PTPRG: variants seen among roughly 807,000 people sequenced by gnomAD.
PTPRG encodes receptor-type tyrosine-protein phosphatase gamma.
In PTPRG, 102 loss-of-function variants were observed where a neutral mutation model predicts 165.3. The ratio of observed to expected loss-of-function variants is 0.62; its 90% CI spans 0.53 to 0.73. The LOEUF is 0.73. Among genes scored for constraint, PTPRG ranks in the 30% least tolerant of loss-of-function variants. The pLI, the probability that PTPRG is intolerant of heterozygous loss-of-function variation, is 0.00. For missense variants in PTPRG, 1,866 were observed against 1,861.4 expected (o/e 1.00, Z -0.05); for synonymous variants, 675 against 669.5 (o/e 1.01, Z -0.13).
chr3:61,832,961 G>A (rs979179278), intron 2 of PTPRG, among the ~76,000 whole-genome samples: 9 of 151,952 alleles, frequency 5.9e-5, no homozygotes, highest in Middle Eastern at 3.2e-3. Context: ...ATGATGTTTG[G>A]TTTTCCATTC....
chr3:62,293,017 T>A, intron 29 of PTPRG, 144 bp from the exon 30 acceptor site: 1 of 653,208 alleles, frequency 1.5e-6, no homozygotes, highest in Non-Finnish European at 2.4e-6. Flanking sequence ...AAATGATTTT[T>A]TTTTTAGTTT....
At chr3:62,018,608 A>AT (rs2041608221) in intron 4 of PTPRG, among the ~76,000 whole-genome samples, 3 of 152,238 alleles carry the variant, frequency 2.0e-5, no homozygotes, top group Non-Finnish European at 4.4e-5. Context: ...TGGTAGTCTA[A>AT]GGAAAGAGCA....
At position 62,241,912 on chromosome 3, in the gene PTPRG, A is replaced by G. The variant is rs570258522; in HGVS notation, c.2376-1895A>G. On this transcript the variant is annotated intron_variant, in intron 14 of 29. Transcript: ENST00000474889. ...TGAATAGCTGTCCTCTAACTCAACA[A>G]AAGCAGGTTTTCCTTAGCTATGATA... is the stretch of plus-strand genomic sequence containing the variant. Among the ~76,000 whole-genome samples, 3 of 152,332 alleles carry G rather than the reference A, an allele frequency of 2.0e-5. No individual in the cohort carries two copies. The East Asian group carries it at 5.8e-4, about 29-fold the overall frequency.
At chr3:61,922,536 A>G (rs918525609) in intron 2 of PTPRG, among the ~76,000 whole-genome samples, 2 of 152,110 alleles carry the variant, frequency 1.3e-5, no homozygotes, top group African/African-American at 2.4e-5. Context: ...ACCTAAGGGG[A>G]ATCCTTCTTT....
intron 1 of PTPRG, among the ~76,000 whole-genome samples, chr3:61,577,881 G>A (rs942120057): frequency 2.4e-4 from 37 of 152,174 alleles, no homozygotes; most frequent in African/African-American, 7.2e-4. Context: ...CTGCCTCTGG[G>A]ATATTCCGGG....
chr3:61,630,778 C>T (rs1189442968), intron 1 of PTPRG, among the ~76,000 whole-genome samples: 11 of 152,178 alleles, frequency 7.2e-5, no homozygotes, highest in South Asian at 4.2e-4. Context: ...GTATTTTTAG[C>T]GGGGCGCGGT....
intron 4 of PTPRG, among the ~76,000 whole-genome samples, chr3:62,008,625 G>T (rs560565097): frequency 6.6e-6 from 1 of 152,296 alleles, no homozygotes; most frequent in Admixed American, 6.5e-5. Context: ...TAGCCCAGCG[G>T]TCCCCAACCT....
At chr3:62,027,635 G>A (rs1374615707) in intron 4 of PTPRG, among the ~76,000 whole-genome samples, 1 of 152,180 alleles carries the variant, frequency 6.6e-6, no homozygotes, top group African/African-American at 2.4e-5. Context: ...AAGCCAAGCA[G>A]CTGACAGACA....
intron 16 of PTPRG, among the ~76,000 whole-genome samples, chr3:62,259,397 T>C (rs1701627506): frequency 6.6e-6 from 1 of 151,610 alleles, no homozygotes; most frequent in South Asian, 2.1e-4. Flanking sequence ...GCTGATGAGC[T>C]AAAAAATTGC....
At chr3:62,156,275 C>A (rs572852774) in intron 6 of PTPRG, among the ~76,000 whole-genome samples, 78 of 152,282 alleles carry the variant, frequency 5.1e-4, no homozygotes, top group African/African-American at 1.9e-3. Flanking sequence ...TCTTCGGTGT[C>A]AAGACACCTG....
intron 6 of PTPRG, among the ~76,000 whole-genome samples, chr3:62,144,396 G>T (rs1287536225): frequency 2.6e-5 from 4 of 152,126 alleles, no homozygotes; most frequent in East Asian, 1.9e-4. Flanking sequence ...ATTAATGAGG[G>T]TTCTGTTTTA....
At chr3:61,880,782 T>A (rs764186585) in intron 2 of PTPRG, among the ~76,000 whole-genome samples, 1 of 152,094 alleles carries the variant, frequency 6.6e-6, no homozygotes, top group Non-Finnish European at 1.5e-5. Flanking sequence ...CTTGATTGAT[T>A]AGGTTGTAAA....
chr3:62,142,673 A>G (rs1184143088), intron 6 of PTPRG, among the ~76,000 whole-genome samples: 2 of 152,196 alleles, frequency 1.3e-5, no homozygotes, highest in African/African-American at 4.8e-5. Flanking sequence ...TTCTCTCCAC[A>G]AATTGATTGC....
intron 2 of PTPRG, among the ~76,000 whole-genome samples, chr3:61,983,011 T>C (rs1421351707): frequency 6.6e-6 from 1 of 152,206 alleles, no homozygotes; most frequent in Admixed American, 6.5e-5. Context: ...AAAAAATGTG[T>C]ATTTCATTAT....
chr3:62,083,293 G>GTC (rs1701642310), intron 5 of PTPRG, among the ~76,000 whole-genome samples: 1 of 151,596 alleles, frequency 6.6e-6, no homozygotes, highest in Admixed American at 6.6e-5. Flanking sequence ...GGAGAACGGG[G>GTC]TCTCACTATG....
chr3:62,038,537 A>G (rs1026199724), intron 4 of PTPRG, among the ~76,000 whole-genome samples: 6 of 152,202 alleles, frequency 3.9e-5, no homozygotes, highest in Non-Finnish European at 8.8e-5. Flanking sequence ...AGCTGGGGCC[A>G]TAGGCCCATG....
At chr3:62,258,700 G>C (rs1701608013) in intron 16 of PTPRG, among the ~76,000 whole-genome samples, 1 of 152,148 alleles carries the variant, frequency 6.6e-6, no homozygotes, top group Non-Finnish European at 1.5e-5. Flanking sequence ...AAATTCTAGA[G>C]ACCGTGAAAA....
chr3:62,286,080 T>C (rs1469808933), intron 28 of PTPRG, among the ~76,000 whole-genome samples: 2 of 152,212 alleles, frequency 1.3e-5, no homozygotes, highest in Admixed American at 1.3e-4. Context: ...AATATTGACA[T>C]ATACAGCCCA....
chr3:61,782,967 T>A (rs2034588338), intron 2 of PTPRG, among the ~76,000 whole-genome samples: 1 of 152,064 alleles, frequency 6.6e-6, no homozygotes, highest in African/African-American at 2.4e-5. Flanking sequence ...CATACCTGGC[T>A]AATTAAAACA....
Sources: gnomAD v4.1 joint callset for allele counts (sites outside exome capture counted in the v4.1 genomes callset) on GRCh38, gnomAD v4.1.1 for gene constraint, MANE v1.5 for transcripts, NCBI Gene and HGNC (gene_info 2026-07-23, HGNC 2026-07-21) for gene names.